LRP1B: variants seen among roughly 807,000 people sequenced by gnomAD.
LRP1B encodes LDL receptor related protein 1B, also known as low-density lipoprotein receptor-related protein 1B.
A neutral mutation model predicts 556.6 loss-of-function variants in LRP1B; 217 were observed. The observed-to-expected ratio is 0.39, with a 90% CI of 0.35 to 0.44. LRP1B has a LOEUF of 0.44. LRP1B is among the 20% of genes least tolerant of loss of function. The pLI, the probability that LRP1B is intolerant of heterozygous loss-of-function variation, is 1.00. For synonymous variants in LRP1B, 2,047 were observed against 1,865.8 expected, an observed-to-expected ratio of 1.10 and a Z score of -2.50; for missense variants, 5,053 against 5,620.8, an observed-to-expected ratio of 0.90 and a Z score of 3.23.
intron 62 of LRP1B, among the ~76,000 whole-genome samples, chr2:140,454,760 T>C (rs1407864201): frequency 6.6e-6 from 1 of 152,224 alleles, no homozygotes; most frequent in Non-Finnish European, 1.5e-5. Context: ...TTATAGGTTT[T>C]CATATATAAT....
At chr2:142,013,789 A>G (rs1379874836) in intron 1 of LRP1B, among the ~76,000 whole-genome samples, 1 of 152,186 alleles carries the variant, frequency 6.6e-6, no homozygotes, top group African/African-American at 2.4e-5. Context: ...TGTCAGAGGC[A>G]TTAAAACCAA....
intron 87 of LRP1B, among the ~76,000 whole-genome samples, chr2:140,246,536 T>A (rs202225630): frequency 2.9e-5 from 4 of 138,738 alleles, no homozygotes; most frequent in Admixed American, 7.3e-5. Flanking sequence ...CAAAAAAAAA[T>A]TTGCAAAAAT....
intron 31 of LRP1B, among the ~76,000 whole-genome samples, chr2:140,833,374 T>C (rs541290987): frequency 6.6e-6 from 1 of 152,282 alleles, no homozygotes; most frequent in African/African-American, 2.4e-5. Context: ...TGGCAAACAT[T>C]TATTTCTTGG....
At position 140,390,278 on chromosome 2, in the gene LRP1B, T is replaced by A. The variant is rs909597375; in HGVS notation, c.10415-4269A>T. 1.3e-5 allele frequency among the ~76,000 whole-genome samples: 2 copies of A among 152,192 alleles called. 1 individual carries two copies. Among genetic ancestry groups the A allele is most frequent in the Middle Eastern group, 6.3e-3 (2 of 316 alleles). ...TACAGTAATCAAGAGAATGTACTAT[T>A]GGACAAAATGAATTAAAAAATAAGT... On this transcript the variant is annotated intron_variant, in intron 66 of 90. Coordinates refer to ENST00000389484, the MANE Select transcript of LRP1B (RefSeq NM_018557.3).
intron 1 of LRP1B, among the ~76,000 whole-genome samples, chr2:141,833,950 C>T (rs982482381): frequency 1.4e-5 from 2 of 142,172 alleles, no homozygotes; most frequent in Non-Finnish European, 3.0e-5. Flanking sequence ...AGAGGCAAAA[C>T]TTACCACTTG....
intron 3 of LRP1B, among the ~76,000 whole-genome samples, chr2:141,318,592 T>C (rs1468158994): frequency 6.6e-6 from 1 of 152,036 alleles, no homozygotes; most frequent in East Asian, 1.9e-4. Flanking sequence ...TTTCAGGAAA[T>C]GGAGATCATA....
intron 3 of LRP1B, among the ~76,000 whole-genome samples, chr2:141,331,522 C>CTTTTCTTTCTTTCTTTCTTT (rs10694161): frequency 1.4e-5 from 2 of 140,718 alleles, no homozygotes; most frequent in Non-Finnish European, 3.0e-5. Context: ...TTCTTTCTTT[C>CTTTTCTTTCTTTCTTTCTTT]TCTTTCTTTC....
chr2:140,535,669 TAAATC>T (rs1269219726), intron 46 of LRP1B, among the ~76,000 whole-genome samples: 1 of 152,122 alleles, frequency 6.6e-6, no homozygotes, highest in Non-Finnish European at 1.5e-5. Flanking sequence ...GGATTAAAAA[TAAATC>T]AGGACAATTT....
At chr2:140,657,279 C>T (rs572566230) in intron 41 of LRP1B, among the ~76,000 whole-genome samples, 3 of 151,798 alleles carry the variant, frequency 2.0e-5, no homozygotes, top group East Asian at 1.9e-4. Flanking sequence ...GTAGGCAGTG[C>T]GGTAGAAAAC....
intron 66 of LRP1B, among the ~76,000 whole-genome samples, chr2:140,435,668 A>C: frequency 6.2e-5 from 1 of 16,070 alleles, no homozygotes; most frequent in East Asian, 8.1e-3. Context: ...TTGTTAAGAC[A>C]GAAAAAAAAA....
chr2:141,442,588 C>A (rs114288750), intron 3 of LRP1B, among the ~76,000 whole-genome samples: 6,287 of 152,132 alleles, frequency 0.041, 186 homozygotes, highest in Non-Finnish European at 0.059. Flanking sequence ...CAGCCCCCAA[C>A]CTGCAAACAT....
At chr2:141,354,327 C>A (rs1326365997) in intron 3 of LRP1B, among the ~76,000 whole-genome samples, 1 of 151,972 alleles carries the variant, frequency 6.6e-6, no homozygotes, top group South Asian at 2.1e-4. Flanking sequence ...AGAAGAAGGT[C>A]AGCAGAACCC....
chr2:141,997,687 TTC>T (rs879467240), intron 1 of LRP1B, among the ~76,000 whole-genome samples: 3 of 150,640 alleles, frequency 2.0e-5, no homozygotes, highest in African/African-American at 7.3e-5. Flanking sequence ...TGCTTTTTTT[TTC>T]TCTCTTAGGA....
intron 1 of LRP1B, among the ~76,000 whole-genome samples, chr2:141,933,773 T>C (rs1385841389): frequency 6.6e-6 from 1 of 152,172 alleles, no homozygotes; most frequent in Non-Finnish European, 1.5e-5. Context: ...ATTAGTTCTA[T>C]GATGCAGTTA....
chr2:140,568,153 C>A (rs1455609195), intron 43 of LRP1B, among the ~76,000 whole-genome samples: 1 of 141,118 alleles, frequency 7.1e-6, no homozygotes, highest in Non-Finnish European at 1.5e-5. Context: ...TATAAATTGC[C>A]AGAAGAGAAA....
At chr2:140,333,496 G>A (rs1030010796) in intron 79 of LRP1B, among the ~76,000 whole-genome samples, 12 of 152,002 alleles carry the variant, frequency 7.9e-5, no homozygotes, top group African/African-American at 2.9e-4. Context: ...TATGTAAATA[G>A]ACTAAATTTC....
intron 2 of LRP1B, chr2:141,805,277 GAA>G (rs1414691854): frequency 6.6e-6 from 1 of 152,098 alleles, no homozygotes; most frequent in African/African-American, 2.4e-5. Context: ...ACTGAGTAAG[GAA>G]AGATAGAAGA....
chr2:140,436,687 A>G (rs1382781684), intron 66 of LRP1B, among the ~76,000 whole-genome samples: 1 of 151,842 alleles, frequency 6.6e-6, no homozygotes, highest in Non-Finnish European at 1.5e-5. Flanking sequence ...TATTAACCAG[A>G]AGTTTTTTTC....
chr2:140,375,543 T>C (rs1341632397), intron 68 of LRP1B, among the ~76,000 whole-genome samples: 3 of 152,156 alleles, frequency 2.0e-5, no homozygotes, highest in Non-Finnish European at 4.4e-5. Flanking sequence ...GATCTTATAC[T>C]GATACTTTTG....
Sources: allele counts gnomAD v4.1 joint callset (sites outside exome capture counted in the v4.1 genomes callset), GRCh38; gene constraint gnomAD v4.1.1; transcripts MANE v1.5; gene names NCBI Gene and HGNC (gene_info 2026-07-23, HGNC 2026-07-21).